The following UGT2B7 variants were observed in gnomAD, a reference collection of about 807,000 sequenced individuals.
UGT2B7 encodes the protein UDP-glucuronosyltransferase 2B7.
In UGT2B7, 51 loss-of-function variants were observed where a neutral mutation model predicts 51.9. That is an observed-to-expected ratio of 0.98 (90% CI 0.78 to 1.24). UGT2B7 has a LOEUF of 1.24. UGT2B7 is among the 50% of genes most tolerant of loss of function. The pLI is 0.00. For missense variants in UGT2B7, 727 were observed against 628.4 expected (o/e 1.16, Z -1.68); for synonymous variants, 225 against 211.6 (o/e 1.06, Z -0.55).
chr4:69,064,076 GAA>G lies in UGT2B7; in HGVS notation c.-159+12476_-159+12477del, dbSNP rs779591588. 9.6e-3 allele frequency among the ~76,000 whole-genome samples: 1,022 copies of G among 106,356 alleles called. 38 individuals are homozygous for G. The highest frequency in any genetic ancestry group is 0.038 in the African/African-American group (778 of 20,730). 69.8% of individuals were successfully genotyped at this position (106,356 alleles called of 152,430 possible). On this transcript the variant is annotated intron_variant, in intron 1 of 5. Transcript: ENST00000502942. ...AGAAAGAAAGAAAGAAAGAAAGAAA[GAA>G]AGAAAGAAAGAAAGAAAGAGAAAGA...
intron 1 of UGT2B7, among the ~76,000 whole-genome samples, chr4:69,072,965 T>G (rs1718631167): frequency 3.3e-5 from 5 of 152,142 alleles, no homozygotes; most frequent in Admixed American, 2.0e-4. Context: ...GAAAATAACA[T>G]TTTTGAAAGT....
intron 3 of UGT2B7, among the ~76,000 whole-genome samples, chr4:69,105,922 A>G (rs977110476): frequency 1.3e-5 from 2 of 152,172 alleles, no homozygotes; most frequent in African/African-American, 2.4e-5. Flanking sequence ...ACTCAAAAAG[A>G]TATGAATACA....
chr4:69,053,307 C>G (rs1467078310), intron 1 of UGT2B7, among the ~76,000 whole-genome samples: 1 of 152,026 alleles, frequency 6.6e-6, no homozygotes, highest in Non-Finnish European at 1.5e-5. Context: ...AAAACTAATA[C>G]AAATTGGTGC....
chr4:69,101,466 C>A (rs1719415414), intron 2 of UGT2B7, among the ~76,000 whole-genome samples: 1 of 152,018 alleles, frequency 6.6e-6, no homozygotes, highest in East Asian at 1.9e-4. Flanking sequence ...AGGCTCGATT[C>A]CTTCAACACT....
rs777038319 is a variant in UGT2B7 at position 69,096,512 on chromosome 4, T to TGCACC, written c.-8_-4dup. On this transcript the variant is annotated 5_prime_UTR_variant, in exon 1 of 6. Transcript: ENST00000305231. ...AGCAACTGGAAAACAAGCATTGCAT[T>TGCACC]GCACCAGGATGTCTGTGAAATGGAC... is the stretch of plus-strand genomic sequence containing the variant. 12 of 1,613,390 alleles carry TGCACC rather than the reference T, an allele frequency of 7.4e-6. No individual in the cohort carries two copies. In the African/African-American group the frequency reaches 1.1e-4, roughly 14 times the overall value.
intron 1 of UGT2B7, among the ~76,000 whole-genome samples, chr4:69,059,757 AC>A (rs1718301756): frequency 6.6e-6 from 1 of 152,092 alleles, no homozygotes; most frequent in African/African-American, 2.4e-5. Flanking sequence ...ACCATGGAAC[AC>A]CCCTCTCTTG....
At chr4:69,060,169 C>T (rs1718312517) in intron 1 of UGT2B7, among the ~76,000 whole-genome samples, 1 of 152,180 alleles carries the variant, frequency 6.6e-6, no homozygotes, top group African/African-American at 2.4e-5. Context: ...TTCGAGGGGA[C>T]CCAAGACCTC....
intron 1 of UGT2B7, among the ~76,000 whole-genome samples, chr4:69,062,831 G>A (rs951606189): frequency 6.6e-6 from 1 of 152,088 alleles, no homozygotes; most frequent in Non-Finnish European, 1.5e-5. Context: ...AATAAATGTG[G>A]CCAGAAATCT....
intron 1 of UGT2B7, among the ~76,000 whole-genome samples, chr4:69,088,293 T>C (rs1719005367): frequency 6.6e-6 from 1 of 152,010 alleles, no homozygotes; most frequent in Non-Finnish European, 1.5e-5. Context: ...TTTTAAAACA[T>C]TTCCACTTCT....
rs145217059 is a variant in UGT2B7 at position 69,112,466 on chromosome 4, G to T, written c.1320G>T (p.Glu440Asp). Residue 440 changes from glutamate to aspartate, a missense_variant, in exon 6 of 6, where the codon GAG becomes GAT. Physicochemically the swap from Glu to Asp is conservative, Grantham distance 45. Coordinates refer to ENST00000305231, the MANE Select transcript of UGT2B7 (RefSeq NM_001074.4). Reference sequence around the variant, plus strand: ...TATTTTTATCTTTCAGATATAAAGAGAATGTTATGAAATTATCAAGAATTC... The same window carrying T: ...TATTTTTATCTTTCAGATATAAAGATAATGTTATGAAATTATCAAGAATTC... Reference protein sequence around the residue: ...KRVINDPSYKENVMKLSRIQH... With the variant: ...KRVINDPSYKDNVMKLSRIQH... The T allele has an allele frequency of 5.6e-4, 904 of 1,613,298 alleles. 1 individual carries two copies. Among genetic ancestry groups the T allele is most frequent in the Non-Finnish European group, 7.2e-4 (845 of 1,179,706 alleles).
chr4:69,060,057 C>T (rs1174663401), intron 1 of UGT2B7, among the ~76,000 whole-genome samples: 3 of 152,234 alleles, frequency 2.0e-5, no homozygotes, highest in Non-Finnish European at 2.9e-5. Flanking sequence ...TGAAGAGGCA[C>T]AGGCCTCAGA....
intron 1 of UGT2B7, among the ~76,000 whole-genome samples, chr4:69,084,381 T>C (rs1018011531): frequency 1.3e-5 from 2 of 151,362 alleles, no homozygotes; most frequent in African/African-American, 4.9e-5. Flanking sequence ...GTAATCATAC[T>C]CTTGACAAAT....
chr4:69,053,856 T>C (rs1718109004), intron 1 of UGT2B7, among the ~76,000 whole-genome samples: 2 of 152,198 alleles, frequency 1.3e-5, no homozygotes, highest in Admixed American at 6.5e-5. Context: ...AGAGTGGCAC[T>C]TGTGCTTTAG....
chr4:69,112,916 A>G lies in UGT2B7; in HGVS notation c.*180A>G. On this transcript the variant is annotated 3_prime_UTR_variant, in exon 6 of 6. Transcript: ENST00000305231. ...TTTGTTTTTCAGAGATTTACCACCC[A>G]GTTCATGGTTAGAAATATTTTGTGG... The G allele has an allele frequency of 1.2e-5, 11 of 907,566 alleles. No homozygotes were observed. Among genetic ancestry groups the G allele is most frequent in the Non-Finnish European group, 1.7e-5 (11 of 647,182 alleles). 56.2% of individuals were successfully genotyped at this position (907,566 alleles called of 1,614,324 possible).
At chr4:69,108,037 G>A in intron 4 of UGT2B7, 66 bp from the exon 5 acceptor site, 1 of 1,561,212 alleles carries the variant, frequency 6.4e-7, no homozygotes, top group Non-Finnish European at 8.8e-7. Flanking sequence ...GTCACTTTCA[G>A]AGCCTTTCAT....
intron 1 of UGT2B7, among the ~76,000 whole-genome samples, chr4:69,084,810 T>A (rs1718913502): frequency 6.6e-6 from 1 of 152,202 alleles, no homozygotes; most frequent in African/African-American, 2.4e-5. Flanking sequence ...TTCTTTCTTA[T>A]AAATGCATAG....
At position 69,071,152 on chromosome 4, in the gene UGT2B7, A is replaced by G. The variant is rs539366942; in HGVS notation, c.-158-18320A>G. 3.2e-4 allele frequency among the ~76,000 whole-genome samples: 48 copies of G among 152,226 alleles called. 1 individual carries two copies. The South Asian group carries it at 9.7e-3, about 31-fold the overall frequency. On this transcript the variant is annotated intron_variant, in intron 1 of 5. Transcript: ENST00000502942. The stretch of plus-strand genomic sequence containing the variant: ...GGCTAGTTCCCTCTAGTTAGGAATT[A>G]TAGATATGGTCCAGCAAGTTTAGTC...
rs1178892377 is a variant in UGT2B7 at position 69,055,098 on chromosome 4, T to TAAAAAAAAAAAAAAAAAAAAAAA, written c.-159+3502_-159+3524dup. 2.9e-3 allele frequency among the ~76,000 whole-genome samples: 66 copies of TAAAAAAAAAAAAAAAAAAAAAAA among 22,560 alleles called. 1 individual carries two copies. The highest frequency in any genetic ancestry group is 2.7e-3 in the Non-Finnish European group (37 of 13,466). The allele number at this position is 22,560 out of a possible 152,430, so 14.8% of individuals were successfully genotyped here. A position where few individuals can be genotyped will look rare whatever the true frequency, so the allele number is the denominator to read the frequency against. ...TAAGTGACAGAAGTAAAGTAATAGC[T>TAAAAAAAAAAAAAAAAAAAAAAA]AAAAAAAAAAAAAAAAAAAAAAAAA... On this transcript the variant is annotated intron_variant, in intron 1 of 5. Coordinates refer to the UGT2B7 transcript ENST00000502942.
At chr4:69,098,727 A>T in intron 2 of UGT2B7, 39 bp downstream of exon 2, 1 of 1,598,786 alleles carries the variant, frequency 6.3e-7, no homozygotes, top group African/African-American at 1.4e-5. Flanking sequence ...GTTGGCTTTG[A>T]ATTTTCAGTA....
Sources: allele counts gnomAD v4.1 joint callset (sites outside exome capture counted in the v4.1 genomes callset), GRCh38; gene constraint gnomAD v4.1.1; transcripts MANE v1.5; gene names NCBI Gene and HGNC (gene_info 2026-07-23, HGNC 2026-07-21).